Variants in GRIK2 observed in about 807,000 individuals in gnomAD.
The protein encoded by GRIK2 is glutamate receptor ionotropic, kainate 2.
In GRIK2, 32 loss-of-function variants were observed where a neutral mutation model predicts 100.3. The observed-to-expected ratio is 0.32, with a 90% CI of 0.24 to 0.43. The LOEUF is 0.43. Ranked by LOEUF, GRIK2 falls within the 20% of genes least tolerant of loss-of-function variation. The pLI is 1.00. For missense variants in GRIK2, 843 were observed against 1,114.9 expected, an observed-to-expected ratio of 0.76 and a Z score of 3.47; for synonymous variants, 417 against 389.4, an observed-to-expected ratio of 1.07 and a Z score of -0.83.
intron 12 of GRIK2, among the ~76,000 whole-genome samples, chr6:101,910,540 G>A (rs1171402598): frequency 6.6e-6 from 1 of 151,184 alleles, no homozygotes; most frequent in Non-Finnish European, 1.5e-5. Flanking sequence ...ATAATTTTGT[G>A]AGGTTTTTCA....
chr6:101,614,654 G>A (rs1353993185), intron 2 of GRIK2, among the ~76,000 whole-genome samples: 2 of 151,706 alleles, frequency 1.3e-5, no homozygotes, highest in Non-Finnish European at 3.0e-5. Flanking sequence ...AAATTAAAAT[G>A]CAGAGGAACC....
chr6:101,626,925 TATAG>T (rs749537226), intron 4 of GRIK2, among the ~76,000 whole-genome samples: 20 of 151,932 alleles, frequency 1.3e-4, no homozygotes, highest in South Asian at 1.2e-3. Context: ...TAAACAATAT[TATAG>T]ATAGATAGAT....
At chr6:101,588,419 A>G (rs1038678918) in intron 2 of GRIK2, among the ~76,000 whole-genome samples, 8 of 151,858 alleles carry the variant, frequency 5.3e-5, no homozygotes, top group Non-Finnish European at 1.2e-4. Flanking sequence ...GGATAAATGT[A>G]GAAAGGTTAT....
chr6:101,903,972 T>C (rs1708926709), intron 12 of GRIK2, among the ~76,000 whole-genome samples: 1 of 151,558 alleles, frequency 6.6e-6, no homozygotes, highest in African/African-American at 2.4e-5. Context: ...AGGAATTCAC[T>C]ATTAACAAAT....
intron 2 of GRIK2, among the ~76,000 whole-genome samples, chr6:101,583,690 C>T (rs753024245): frequency 5.9e-5 from 9 of 151,974 alleles, no homozygotes; most frequent in Non-Finnish European, 7.4e-5. Context: ...CAAAGTAGCC[C>T]ATTGTTATAT....
chr6:101,400,768 C>T (rs1346757855), intron 2 of GRIK2, among the ~76,000 whole-genome samples: 1 of 152,140 alleles, frequency 6.6e-6, no homozygotes, highest in East Asian at 1.9e-4. Context: ...GGAACCTCAC[C>T]GACCACACAT....
intron 15 of GRIK2, among the ~76,000 whole-genome samples, chr6:102,052,021 G>A (rs1465707711): frequency 6.6e-6 from 1 of 152,132 alleles, no homozygotes; most frequent in African/African-American, 2.4e-5. Flanking sequence ...ATTAATGAGT[G>A]TTCACTTCAT....
At chr6:101,884,777 A>G (rs950053645) in intron 11 of GRIK2, among the ~76,000 whole-genome samples, 1 of 152,170 alleles carries the variant, frequency 6.6e-6, no homozygotes, top group African/African-American at 2.4e-5. Flanking sequence ...AAATTTTAGT[A>G]AGTTAAATTG....
rs545535492 is a variant in GRIK2 at position 101,920,360 on chromosome 6, T to C, written c.1749-4241T>C. 3.3e-5 allele frequency among the ~76,000 whole-genome samples: 5 copies of C among 152,092 alleles called. 1 individual carries two copies. Among genetic ancestry groups the C allele is most frequent in the African/African-American group, 1.2e-4 (5 of 41,550 alleles). ...TCTAATACTTCTCTATTTAGCACCATTTCCTAAAATGAGGAAGATTCCAGG... is the reference window on the plus strand; with the variant it reads ...TCTAATACTTCTCTATTTAGCACCACTTCCTAAAATGAGGAAGATTCCAGG... On this transcript the variant is annotated intron_variant, in intron 12 of 16. Transcript: ENST00000369134.
At chr6:101,591,800 G>A (rs1005163996) in intron 2 of GRIK2, among the ~76,000 whole-genome samples, 17 of 152,008 alleles carry the variant, frequency 1.1e-4, no homozygotes, top group Non-Finnish European at 2.4e-4. Context: ...ATGAAAAAGG[G>A]AAATACAATG....
chr6:102,035,538 T>C lies in GRIK2; in HGVS notation c.2283T>C (p.Ser761=), dbSNP rs201958413. The C allele has an allele frequency of 5.2e-5, 83 of 1,605,590 alleles. No homozygotes were observed. The African/African-American group carries it at 9.9e-4, about 19-fold the overall frequency. ...CACAGATTGGCGGCCTTATAGACTC[T>C]AAAGGTTATGGCGTTGGCACTCCCA... The part of the protein sequence containing the change: ...NLTQIGGLID[S]KGYGVGTPMG... Residue 761 remains serine (S), a synonymous_variant, in exon 15 of 17, where the codon TCT becomes TCC. Transcript: ENST00000369134.
intron 7 of GRIK2, among the ~76,000 whole-genome samples, chr6:101,793,358 G>C (rs1444897458): frequency 6.6e-6 from 1 of 152,106 alleles, no homozygotes; most frequent in African/African-American, 2.4e-5. Context: ...TTTGGTCTTT[G>C]ATGATGGTGA....
intron 14 of GRIK2, among the ~76,000 whole-genome samples, chr6:101,980,435 A>G (rs1193957941): frequency 2.0e-5 from 3 of 151,894 alleles, no homozygotes; most frequent in Non-Finnish European, 4.4e-5. Flanking sequence ...GTGTCAGAAG[A>G]ATTTGAAAAG....
At chr6:101,934,786 C>T (rs1184445011) in intron 14 of GRIK2, among the ~76,000 whole-genome samples, 2 of 151,816 alleles carry the variant, frequency 1.3e-5, no homozygotes, top group African/African-American at 4.8e-5. Context: ...AGAGTAAATT[C>T]TCAAAATTGC....
chr6:101,628,341 A>C (rs1324732092), intron 4 of GRIK2, among the ~76,000 whole-genome samples: 1 of 152,096 alleles, frequency 6.6e-6, no homozygotes, highest in African/African-American at 2.4e-5. Flanking sequence ...CTAGATACAA[A>C]TTAGAGTAAT....
At chr6:102,032,433 G>A (rs1162649823) in intron 14 of GRIK2, among the ~76,000 whole-genome samples, 3 of 151,208 alleles carry the variant, frequency 2.0e-5, no homozygotes, top group African/African-American at 7.3e-5. Context: ...GACTGAGTGA[G>A]CTTAAGATGG....
intron 4 of GRIK2, among the ~76,000 whole-genome samples, chr6:101,662,801 C>G (rs1205069934): frequency 6.6e-6 from 1 of 152,072 alleles, no homozygotes; most frequent in African/African-American, 2.4e-5. Flanking sequence ...ATATCTGTCT[C>G]ACCACCACCA....
chr6:101,801,685 T>A (rs1284866158), intron 8 of GRIK2, among the ~76,000 whole-genome samples: 1 of 151,918 alleles, frequency 6.6e-6, no homozygotes, highest in African/African-American at 2.4e-5. Flanking sequence ...ACCAACAGAA[T>A]GGGAAAACTT....
intron 11 of GRIK2, among the ~76,000 whole-genome samples, chr6:101,878,356 T>A (rs111721382): frequency 0.075 from 11,401 of 151,390 alleles, 1,117 homozygotes; most frequent in African/African-American, 0.23. Flanking sequence ...TTTTTTCTAT[T>A]TAGTCTAGTG....
Sources: allele counts gnomAD v4.1 joint callset (sites outside exome capture counted in the v4.1 genomes callset), GRCh38; gene constraint gnomAD v4.1.1; transcripts MANE v1.5; gene names NCBI Gene and HGNC (gene_info 2026-07-23, HGNC 2026-07-21).